The following LAMA2 variants were observed in gnomAD, a reference collection of about 807,000 sequenced individuals.
LAMA2 encodes laminin subunit alpha 2.
A neutral mutation model predicts 364.8 loss-of-function variants in LAMA2; 269 were observed. The ratio of observed to expected loss-of-function variants is 0.74; its 90% confidence interval spans 0.67 to 0.82. The LOEUF is 0.82. Among genes scored for constraint, LAMA2 ranks in the 40% least tolerant of loss-of-function variants. LAMA2 has a pLI of 0.00. For synonymous variants in LAMA2, 1,379 were observed against 1,370.6 expected, an observed-to-expected ratio of 1.01 and a Z score of -0.14; for missense variants, 3,807 against 3,873.2, an observed-to-expected ratio of 0.98 and a Z score of 0.45.
Position 129,171,252 on chromosome 6 carries a change from G to T in LAMA2, c.1306+5577G>T, listed in dbSNP as rs1162778747. ...CTGGTTATTTTGCTCGTTAGTTGAT[G>T]CAGTTTCTTCCTAGCATCGATGGTC... On this transcript the variant is annotated intron_variant, in intron 9 of 64. Transcript: ENST00000421865. Among the ~76,000 whole-genome samples, 11 of 152,272 alleles carry T rather than the reference G, an allele frequency of 7.2e-5. No individual in the cohort carries two copies. In the East Asian group the frequency reaches 7.7e-4, roughly 11 times the overall value.
At chr6:129,361,608 G>T (rs1777464607) in intron 32 of LAMA2, among the ~76,000 whole-genome samples, 1 of 152,082 alleles carries the variant, frequency 6.6e-6, no homozygotes, top group African/African-American at 2.4e-5. Context: ...ACCTGGGATT[G>T]TTCTGAAGGC....
In LAMA2 at chr6:129,486,629, A is replaced by G. The variant is rs1277095592; in HGVS notation, c.7898+7A>G. The stretch of plus-strand genomic sequence containing the variant: ...ATGTAGAGCGAACTAGAGGGTAACA[A>G]TAGCACTAAAATATTTATTATTGTA... On this transcript the variant is annotated splice_region_variant and intron_variant, in intron 56 of 64. Coordinates refer to ENST00000421865, the MANE Select transcript of LAMA2 (RefSeq NM_000426.4). 6 of 1,611,876 alleles carry G rather than the reference A, an allele frequency of 3.7e-6. No individual in the cohort carries two copies. In the African/African-American group the frequency reaches 6.7e-5, roughly 18 times the overall value.
At chr6:129,077,847 A>G (rs1314246498) in intron 3 of LAMA2, among the ~76,000 whole-genome samples, 1 of 152,190 alleles carries the variant, frequency 6.6e-6, no homozygotes, top group East Asian at 1.9e-4. Flanking sequence ...CTTTCTTTAA[A>G]ACTAAATCAG....
At chr6:129,236,203 G>A (rs890564409) in intron 12 of LAMA2, among the ~76,000 whole-genome samples, 1 of 152,108 alleles carries the variant, frequency 6.6e-6, no homozygotes, top group African/African-American at 2.4e-5. Context: ...TTTGAAATTT[G>A]CACAGTAGAG....
chr6:129,210,303 C>T (rs1309638700), intron 12 of LAMA2, among the ~76,000 whole-genome samples: 2 of 152,070 alleles, frequency 1.3e-5, no homozygotes, highest in African/African-American at 4.8e-5. Flanking sequence ...CTATCCTGTA[C>T]AAGGGAACCC....
rs1489008426 is a variant in LAMA2, at chr6:129,205,487, TATATATACACACACACACACAC to T, written c.1782+12636_1782+12657del. On this transcript the variant is annotated intron_variant, in intron 12 of 64. Coordinates refer to ENST00000421865, the MANE Select transcript of LAMA2 (RefSeq NM_000426.4). ...GGAATTTATTCTGTAAGTATATATA[TATATATACACACACACACACAC>T]ACACACACACACACACACACACACG... Among the ~76,000 whole-genome samples, 39 of 122,302 alleles carry T rather than the reference TATATATACACACACACACACAC, an allele frequency of 3.2e-4. 1 individual carries two copies. The highest frequency in any genetic ancestry group is 1.4e-3 in the African/African-American group (34 of 24,618). 80.2% of individuals were successfully genotyped at this position (122,302 alleles called of 152,430 possible).
intron 22 of LAMA2, among the ~76,000 whole-genome samples, chr6:129,311,043 C>T (rs1314403964): frequency 1.3e-5 from 2 of 152,090 alleles, no homozygotes; most frequent in African/African-American, 2.4e-5. Context: ...AGACAATGTG[C>T]CCTCCCAACT....
At chr6:128,930,028 G>T in intron 1 of LAMA2, 2 of 456,826 alleles carry the variant, frequency 4.4e-6, no homozygotes, top group East Asian at 9.8e-5. Context: ...GCGTTGCAGA[G>T]CACGGGGCGC....
chr6:129,081,501 T>G (rs1363593867), intron 3 of LAMA2, among the ~76,000 whole-genome samples: 1 of 152,224 alleles, frequency 6.6e-6, no homozygotes, highest in Non-Finnish European at 1.5e-5. Flanking sequence ...ATTGGTCAAT[T>G]TAAGTAATCT....
At chr6:128,949,083 A>G (rs1193021781) in intron 1 of LAMA2, among the ~76,000 whole-genome samples, 2 of 152,194 alleles carry the variant, frequency 1.3e-5, no homozygotes, top group Non-Finnish European at 2.9e-5. Flanking sequence ...ATGAGTAATA[A>G]TTAAGCTTAT....
chr6:129,308,677 C>G (rs138809679), intron 22 of LAMA2, among the ~76,000 whole-genome samples: 55 of 152,210 alleles, frequency 3.6e-4, no homozygotes, highest in African/African-American at 1.3e-3. Context: ...TCAGACAATT[C>G]TTGCATTGCT....
Position 129,146,939 on chromosome 6 carries a change from C to T in LAMA2, c.820-20C>T. ...TTGCAGTCATCTTAACAGGATTTCT[C>T]TCTGGATTGCTTTTTGCAGTATTAC... On this transcript the variant is annotated intron_variant, in intron 5 of 64. Transcript: ENST00000421865. The T allele has an allele frequency of 6.7e-7, 1 of 1,497,712 alleles. No homozygotes were observed. 92.8% of individuals were successfully genotyped at this position (1,497,712 alleles called of 1,614,324 possible). A position where few individuals can be genotyped will look rare whatever the true frequency, so the allele number is the denominator to read the frequency against.
intron 1 of LAMA2, among the ~76,000 whole-genome samples, chr6:129,025,981 C>T (rs929058362): frequency 1.3e-5 from 2 of 152,090 alleles, no homozygotes; most frequent in East Asian, 1.9e-4. Context: ...CAAGGTTTCA[C>T]GAATCAGGTA....
In LAMA2 at chr6:129,221,203, A is replaced by G. The variant is rs1208032668; in HGVS notation, c.1782+28350A>G. Among the ~76,000 whole-genome samples the G allele has an allele frequency of 2.6e-5, 4 of 151,674 alleles. No homozygotes were observed. The East Asian group carries it at 7.7e-4, about 29-fold the overall frequency. On this transcript the variant is annotated intron_variant, in intron 12 of 64. Coordinates refer to ENST00000421865, the MANE Select transcript of LAMA2 (RefSeq NM_000426.4). ...ATTAAAAAAAAAGCCTGAACCTAGA[A>G]ACGGACCTACAAATGTCAATACTTA...
At chr6:129,299,817 T>C (rs1773434102) in intron 21 of LAMA2, among the ~76,000 whole-genome samples, 1 of 152,208 alleles carries the variant, frequency 6.6e-6, no homozygotes, top group African/African-American at 2.4e-5. Context: ...AAAAAGTGAA[T>C]TTAGTCAAAT....
At chr6:129,445,524 T>C in intron 44 of LAMA2, 143 bp from the exon 45 acceptor site, 1 of 698,748 alleles carries the variant, frequency 1.4e-6, no homozygotes, top group South Asian at 1.7e-5. Context: ...ACATTTGCCA[T>C]CACACATTTT....
intron 1 of LAMA2, among the ~76,000 whole-genome samples, chr6:128,990,720 T>C (rs1783557125): frequency 6.6e-6 from 1 of 152,178 alleles, no homozygotes; most frequent in Non-Finnish European, 1.5e-5. Flanking sequence ...GTTTATTGTT[T>C]ATTAAAAAGC....
intron 4 of LAMA2, among the ~76,000 whole-genome samples, chr6:129,140,658 A>G (rs1337886378): frequency 6.6e-6 from 1 of 152,030 alleles, no homozygotes; most frequent in Non-Finnish European, 1.5e-5. Flanking sequence ...ATGCTAAGCT[A>G]TCCAGTGGAC....
At chr6:129,444,585 A>G (rs1343381603) in intron 44 of LAMA2, among the ~76,000 whole-genome samples, 1 of 152,314 alleles carries the variant, frequency 6.6e-6, no homozygotes, top group East Asian at 1.9e-4. Flanking sequence ...GTTCTTTTTA[A>G]ATGCCGCTAA....
Sources: gnomAD v4.1 joint callset for allele counts (sites outside exome capture counted in the v4.1 genomes callset) on GRCh38, gnomAD v4.1.1 for gene constraint, MANE v1.5 for transcripts, NCBI Gene and HGNC (gene_info 2026-07-23, HGNC 2026-07-21) for gene names.